The following GALNT17 variants were observed in gnomAD, a reference collection of about 807,000 sequenced individuals.
The protein encoded by GALNT17 is UDP-GalNAc:polypeptide N-acetylgalactosaminyltransferase-like 3.
Under a neutral mutation model 63.7 loss-of-function variants are expected in GALNT17, and 29 were observed. That is an observed-to-expected ratio of 0.46 (90% CI 0.34 to 0.62). GALNT17 has a LOEUF of 0.62. GALNT17 is among the 20% of genes least tolerant of loss of function. The probability of loss-of-function intolerance (pLI) is 0.01; values close to 1 mark genes in which losing one functional copy is unlikely to be tolerated. For synonymous variants in GALNT17, 305 were observed against 318.3 expected (o/e 0.96, Z 0.45); for missense variants, 603 against 799.6 (o/e 0.75, Z 2.97).
intron 2 of GALNT17, among the ~76,000 whole-genome samples, chr7:71,359,919 A>G (rs1424812131): frequency 2.0e-5 from 3 of 152,188 alleles, no homozygotes; most frequent in East Asian, 1.9e-4. Context: ...TAAGGTTTCA[A>G]CCAGATGAGA....
At chr7:71,175,410 ATCTG>A (rs1289621412) in intron 1 of GALNT17, among the ~76,000 whole-genome samples, 1 of 152,080 alleles carries the variant, frequency 6.6e-6, no homozygotes, top group Non-Finnish European at 1.5e-5. Context: ...TCTATTCTCT[ATCTG>A]TATCATCTAT....
intron 1 of GALNT17, among the ~76,000 whole-genome samples, chr7:71,201,494 G>A (rs1789170763): frequency 6.6e-6 from 1 of 151,604 alleles, no homozygotes; most frequent in Admixed American, 6.6e-5. Context: ...TTTCTTATTT[G>A]ATTTGTGATA....
chr7:71,579,837 G>C, intron 6 of GALNT17, among the ~76,000 whole-genome samples: 1 of 152,042 alleles, frequency 6.6e-6, no homozygotes, highest in East Asian at 1.9e-4. Context: ...AGGTAGGTTA[G>C]GTAGACAAAT....
chr7:71,683,741 C>T (rs745875731), intron 9 of GALNT17, among the ~76,000 whole-genome samples: 10 of 152,160 alleles, frequency 6.6e-5, no homozygotes, highest in Non-Finnish European at 1.2e-4. Flanking sequence ...GGCGCACTGG[C>T]TCACGCTTGT....
chr7:71,698,743 G>A (rs59995257), intron 9 of GALNT17, among the ~76,000 whole-genome samples: 20,735 of 151,698 alleles, frequency 0.14, 1,843 homozygotes, highest in East Asian at 0.26. Flanking sequence ...AAAGAGAGAT[G>A]GTAGAAATAA....
chr7:71,621,065 AGG>A (rs1790281944), intron 6 of GALNT17, among the ~76,000 whole-genome samples: 1 of 152,244 alleles, frequency 6.6e-6, no homozygotes, highest in Non-Finnish European at 1.5e-5. Flanking sequence ...TGTTAATTAT[AGG>A]CTTAAGTCAT....
chr7:71,162,127 T>TCCTCCCTC (rs1467299905), intron 1 of GALNT17, among the ~76,000 whole-genome samples: 4 of 107,752 alleles, frequency 3.7e-5, no homozygotes, highest in South Asian at 4.1e-4. Context: ...CTCCCTCCCT[T>TCCTCCCTC]CCTTCCTTCC....
intron 6 of GALNT17, among the ~76,000 whole-genome samples, chr7:71,653,571 A>AT (rs1337422427): frequency 6.9e-6 from 1 of 144,176 alleles, no homozygotes; most frequent in African/African-American, 2.5e-5. Context: ...ACACCTGGCT[A>AT]ATTTTTTGTA....
intron 1 of GALNT17, among the ~76,000 whole-genome samples, chr7:71,197,286 G>A (rs1198551794): frequency 7.7e-6 from 1 of 129,318 alleles, no homozygotes; most frequent in African/African-American, 2.9e-5. Flanking sequence ...TGCAAACTCC[G>A]CCTCCTGGTT....
At chr7:71,164,933 T>C (rs1227111768) in intron 1 of GALNT17, among the ~76,000 whole-genome samples, 1 of 152,222 alleles carries the variant, frequency 6.6e-6, no homozygotes, top group Non-Finnish European at 1.5e-5. Flanking sequence ...TTGTTTTCTC[T>C]TTTTGAAATA....
chr7:71,187,860 C>T (rs529952593), intron 1 of GALNT17, among the ~76,000 whole-genome samples: 45 of 152,298 alleles, frequency 3.0e-4, no homozygotes, highest in African/African-American at 1.1e-3. Flanking sequence ...ATACACTGCA[C>T]TCAATTTGTA....
chr7:71,542,756 T>G (rs1183617987), intron 5 of GALNT17, among the ~76,000 whole-genome samples: 1 of 151,046 alleles, frequency 6.6e-6, no homozygotes, highest in Non-Finnish European at 1.5e-5. Context: ...TCAGATGTGG[T>G]TGGAGTGGGA....
chr7:71,669,260 A>C (rs2117053754), intron 7 of GALNT17, among the ~76,000 whole-genome samples: 1 of 152,256 alleles, frequency 6.6e-6, no homozygotes, highest in Admixed American at 6.5e-5. Context: ...TCACACCTGT[A>C]ATCCCAGCTC....
chr7:71,382,079 T>A (rs1792856369), intron 2 of GALNT17, among the ~76,000 whole-genome samples: 1 of 151,514 alleles, frequency 6.6e-6, no homozygotes, highest in Non-Finnish European at 1.5e-5. Context: ...GCTAATAGAT[T>A]AAAAAAACAA....
intron 5 of GALNT17, among the ~76,000 whole-genome samples, chr7:71,509,829 T>C (rs906178573): frequency 6.6e-6 from 1 of 152,214 alleles, no homozygotes; most frequent in African/African-American, 2.4e-5. Flanking sequence ...AGAAACGGGA[T>C]GCAGCATCCT....
At chr7:71,645,363 A>G (rs994980678) in intron 6 of GALNT17, among the ~76,000 whole-genome samples, 3 of 152,130 alleles carry the variant, frequency 2.0e-5, no homozygotes, top group Non-Finnish European at 4.4e-5. Flanking sequence ...CCATGTTGTT[A>G]TTGTGATAGT....
chr7:71,598,041 T>C (rs897918211), intron 6 of GALNT17, among the ~76,000 whole-genome samples: 1 of 151,886 alleles, frequency 6.6e-6, no homozygotes, highest in African/African-American at 2.4e-5. Flanking sequence ...ACCTCCCAGG[T>C]TCAAATAATT....
intron 9 of GALNT17, among the ~76,000 whole-genome samples, chr7:71,701,858 C>CTTGT (rs1791648322): frequency 9.2e-5 from 2 of 21,628 alleles, no homozygotes; most frequent in Non-Finnish European, 2.3e-4. Flanking sequence ...TATATATACA[C>CTTGT]ATATATATAT....
chr7:71,377,106 AT>A (rs1563047484), intron 2 of GALNT17, among the ~76,000 whole-genome samples: 2,728 of 49,974 alleles, frequency 0.055, 367 homozygotes, highest in African/African-American at 0.12. Flanking sequence ...AAAAATAAAA[AT>A]AAAAAAAATA....
Sources: allele counts gnomAD v4.1 joint callset (sites outside exome capture counted in the v4.1 genomes callset), GRCh38; gene constraint gnomAD v4.1.1; transcripts MANE v1.5; gene names NCBI Gene and HGNC (gene_info 2026-07-23, HGNC 2026-07-21).